Variants in SHANK2 observed in about 807,000 individuals in gnomAD.
The protein encoded by SHANK2 is SH3 and multiple ankyrin repeat domains 2, also known as SH3 and multiple ankyrin repeat domains protein 2.
A neutral mutation model predicts 133.7 loss-of-function variants in SHANK2; 43 were observed. The observed-to-expected ratio is 0.32, with a 90% CI of 0.25 to 0.41. The LOEUF is 0.41. Ranked by LOEUF, SHANK2 falls within the 10% of genes least tolerant of loss-of-function variation. The pLI is 1.00. For synonymous variants in SHANK2, 1,017 were observed against 952.8 expected, an observed-to-expected ratio of 1.07 and a Z score of -1.24; for missense variants, 1,994 against 2,235.8, an observed-to-expected ratio of 0.89 and a Z score of 2.18.
intron 8 of SHANK2, among the ~76,000 whole-genome samples, chr11:71,080,476 G>C (rs982848344): frequency 6.6e-6 from 1 of 152,188 alleles, no homozygotes; most frequent in African/African-American, 2.4e-5. Flanking sequence ...CGCCACCTGG[G>C]GTTGTGCAAT....
At chr11:70,685,407 A>G (rs192741501) in intron 15 of SHANK2, among the ~76,000 whole-genome samples, 2 of 151,926 alleles carry the variant, frequency 1.3e-5, no homozygotes, top group African/African-American at 4.8e-5. Context: ...ACCAGGCATT[A>G]GACCACCGAG....
intron 2 of SHANK2, among the ~76,000 whole-genome samples, chr11:71,207,520 C>A (rs1230584775): frequency 5.3e-5 from 8 of 151,962 alleles, no homozygotes; most frequent in African/African-American, 1.9e-4. Context: ...ATAGGCCAAG[C>A]CTCCTACATT....
intron 10 of SHANK2, among the ~76,000 whole-genome samples, chr11:70,936,197 A>G (rs940927174): frequency 9.9e-5 from 15 of 152,254 alleles, no homozygotes; most frequent in African/African-American, 3.6e-4. Context: ...AACCAATGCG[A>G]GAGTTTTCAG....
chr11:71,102,712 G>A (rs912922602), intron 6 of SHANK2, among the ~76,000 whole-genome samples: 4 of 152,300 alleles, frequency 2.6e-5, no homozygotes, highest in South Asian at 4.1e-4. Context: ...CAGCCAGGCC[G>A]GCTCATGCCA....
chr11:70,599,700 G>A (rs2060453191), intron 17 of SHANK2, among the ~76,000 whole-genome samples: 1 of 149,820 alleles, frequency 6.7e-6, no homozygotes, highest in Admixed American at 6.7e-5. Context: ...GCTAAGGCAG[G>A]AGAATTGTTT....
intron 17 of SHANK2, chr11:70,634,196 C>A (rs1405601293): frequency 6.6e-6 from 1 of 151,600 alleles, no homozygotes; most frequent in Non-Finnish European, 1.5e-5. Flanking sequence ...CTGCTGGGTG[C>A]GTGGATGGGA....
chr11:70,858,203 G>T (rs1481939338), intron 11 of SHANK2, among the ~76,000 whole-genome samples: 2 of 152,158 alleles, frequency 1.3e-5, no homozygotes, highest in Non-Finnish European at 1.5e-5. Context: ...CCTGTCCCCT[G>T]TTCATAATCC....
At chr11:70,717,750 G>C (rs565829661) in intron 14 of SHANK2, among the ~76,000 whole-genome samples, 28 of 152,062 alleles carry the variant, frequency 1.8e-4, no homozygotes, top group African/African-American at 6.8e-4. Flanking sequence ...ACTGCTCCTC[G>C]GGGTCTCCAC....
intron 2 of SHANK2, among the ~76,000 whole-genome samples, chr11:71,201,708 G>C (rs1486579696): frequency 6.6e-6 from 1 of 152,252 alleles, no homozygotes; most frequent in Admixed American, 6.5e-5. Context: ...ACAAAGCAGA[G>C]ACTTGTCCAC....
chr11:70,532,638 G>GA (rs553345723), intron 17 of SHANK2, among the ~76,000 whole-genome samples: 249 of 133,348 alleles, frequency 1.9e-3, no homozygotes, highest in Middle Eastern at 7.8e-3. Flanking sequence ...ATTGTCCATG[G>GA]AAAAAAAAAA....
At chr11:71,198,046 C>T (rs782004868) in intron 2 of SHANK2, among the ~76,000 whole-genome samples, 8 of 152,152 alleles carry the variant, frequency 5.3e-5, no homozygotes, top group Non-Finnish European at 1.0e-4. Flanking sequence ...CTCTGTGTGC[C>T]GTTTCCGGTC....
At chr11:70,598,926 C>CAAA (rs61220609) in intron 17 of SHANK2, among the ~76,000 whole-genome samples, 340 of 113,068 alleles carry the variant, frequency 3.0e-3, no homozygotes, top group African/African-American at 0.01. Context: ...AGCTGCATGT[C>CAAA]AAAAAAAAAA....
At chr11:70,708,349 C>T (rs1046120803) in intron 14 of SHANK2, among the ~76,000 whole-genome samples, 12 of 152,012 alleles carry the variant, frequency 7.9e-5, no homozygotes, top group African/African-American at 2.4e-4. Context: ...GCATTTCTCC[C>T]GATGGACTGC....
intron 14 of SHANK2, among the ~76,000 whole-genome samples, chr11:70,728,693 TG>T (rs1946223066): frequency 7.9e-5 from 12 of 152,182 alleles, no homozygotes; most frequent in Admixed American, 7.2e-4. Flanking sequence ...CTGCCCAAGG[TG>T]CTGTTTGAAT....
At chr11:71,109,444 C>T (rs1012701023) in intron 6 of SHANK2, among the ~76,000 whole-genome samples, 3 of 152,248 alleles carry the variant, frequency 2.0e-5, no homozygotes, top group Non-Finnish European at 4.4e-5. Context: ...ACTCGTGGAA[C>T]CACCAAGGGC....
intron 14 of SHANK2, among the ~76,000 whole-genome samples, chr11:70,742,425 A>G (rs1451919012): frequency 1.3e-5 from 2 of 152,230 alleles, no homozygotes; most frequent in Admixed American, 1.3e-4. Flanking sequence ...ATGCTTTTTC[A>G]AAAGGTAGGC....
At position 70,497,271 on chromosome 11, in the gene SHANK2, A is replaced by G. The variant is rs571897070; in HGVS notation, c.2308+3299T>C. Among the ~76,000 whole-genome samples the G allele has an allele frequency of 4.6e-5, 7 of 152,308 alleles. No individual in the cohort carries two copies. The East Asian group carries it at 1.3e-3, about 29-fold the overall frequency. ...TTACCGGGATATGGAGACTTTTCAG[A>G]AAAGCCACAGGACTGAGATTCCTGC... On this transcript the variant is annotated intron_variant, in intron 21 of 25. Coordinates refer to ENST00000601538, the MANE Select transcript of SHANK2 (RefSeq NM_012309.5).
intron 17 of SHANK2, among the ~76,000 whole-genome samples, chr11:70,582,281 T>C (rs2060194419): frequency 2.0e-5 from 3 of 152,190 alleles, no homozygotes; most frequent in African/African-American, 7.2e-5. Flanking sequence ...TCCCCACACA[T>C]CCGGGGCCTC....
chr11:70,753,890 C>T (rs1184698203), intron 14 of SHANK2, among the ~76,000 whole-genome samples: 5 of 151,288 alleles, frequency 3.3e-5, no homozygotes, highest in Non-Finnish European at 5.9e-5. Context: ...CAGCTCACTC[C>T]AAACTCTGCC....
Sources: allele counts gnomAD v4.1 joint callset (sites outside exome capture counted in the v4.1 genomes callset), GRCh38; gene constraint gnomAD v4.1.1; transcripts MANE v1.5; gene names NCBI Gene and HGNC (gene_info 2026-07-23, HGNC 2026-07-21).